The following EYS variants were observed in gnomAD, a reference collection of about 807,000 sequenced individuals.
EYS encodes EGF-like photoreceptor maintenance factor, also known as protein eyes shut homolog.
In EYS, 250 loss-of-function variants were observed where a neutral mutation model predicts 282.1. The observed-to-expected ratio is 0.89, with a 90% confidence interval of 0.80 to 0.98. EYS has a LOEUF of 0.98. Among genes scored for constraint, EYS ranks in the 50% least tolerant of loss-of-function variants. EYS has a pLI of 0.00. For missense variants in EYS, 4,016 were observed against 3,709.0 expected (o/e 1.08, Z -2.15); for synonymous variants, 1,355 against 1,282.9 (o/e 1.06, Z -1.20).
intron 28 of EYS, among the ~76,000 whole-genome samples, chr6:64,430,288 A>C (rs1040939819): frequency 6.6e-6 from 1 of 152,228 alleles, no homozygotes; most frequent in Non-Finnish European, 1.5e-5. Flanking sequence ...ACTCAAACAC[A>C]TAAGAAGGTA....
At chr6:64,573,102 G>A (rs1460271836) in intron 26 of EYS, among the ~76,000 whole-genome samples, 1 of 151,954 alleles carries the variant, frequency 6.6e-6, no homozygotes, top group Non-Finnish European at 1.5e-5. Context: ...CAGAATAGAG[G>A]CCTCAGCAAT....
At chr6:65,189,035 C>A (rs897276208) in intron 12 of EYS, among the ~76,000 whole-genome samples, 3 of 151,406 alleles carry the variant, frequency 2.0e-5, no homozygotes, top group Non-Finnish European at 4.4e-5. Context: ...TCTATGAATA[C>A]CTCTATCTTA....
chr6:64,124,512 C>T lies in EYS; in HGVS notation c.6425-42510G>A, dbSNP rs541847288. ...TTGACTGAGTGATCATTTCTACAGG[C>T]CGGAATTTTAACACAACATTTGATG... On this transcript the variant is annotated intron_variant, in intron 31 of 42. Coordinates refer to ENST00000503581, the MANE Select transcript of EYS (RefSeq NM_001142800.2). Among the ~76,000 whole-genome samples, 28 of 152,176 alleles carry T rather than the reference C, an allele frequency of 1.8e-4. No individual in the cohort carries two copies. In the South Asian group the frequency reaches 5.8e-3, roughly 32 times the overall value.
intron 22 of EYS, among the ~76,000 whole-genome samples, chr6:64,676,353 G>T (rs554592525): frequency 0.011 from 1,568 of 141,900 alleles, 11 homozygotes; most frequent in South Asian, 0.023. Context: ...TATATATATA[G>T]AGAGAGAGAG....
chr6:64,845,197 G>A (rs1450269279), intron 19 of EYS, among the ~76,000 whole-genome samples: 1 of 152,020 alleles, frequency 6.6e-6, no homozygotes, highest in Non-Finnish European at 1.5e-5. Flanking sequence ...AAGCTGAGGT[G>A]TGAGGATCAT....
At chr6:64,038,879 A>G (rs568702737) in intron 33 of EYS, among the ~76,000 whole-genome samples, 12 of 151,152 alleles carry the variant, frequency 7.9e-5, no homozygotes, top group African/African-American at 2.7e-4. Flanking sequence ...ATCTTGGCTC[A>G]CTGCAACCTC....
At chr6:65,096,878 C>T (rs1207310534) in intron 12 of EYS, among the ~76,000 whole-genome samples, 3 of 150,924 alleles carry the variant, frequency 2.0e-5, no homozygotes, top group African/African-American at 7.3e-5. Flanking sequence ...AGTGTAAGTT[C>T]TTGAAACTTT....
intron 26 of EYS, among the ~76,000 whole-genome samples, chr6:64,576,291 A>G (rs2149821076): frequency 6.6e-6 from 1 of 152,186 alleles, no homozygotes; most frequent in Non-Finnish European, 1.5e-5. Context: ...TGTTCTTTGG[A>G]AGTAACTTCC....
chr6:64,041,791 T>C (rs911909985), intron 33 of EYS, among the ~76,000 whole-genome samples: 1 of 152,186 alleles, frequency 6.6e-6, no homozygotes, highest in African/African-American at 2.4e-5. Flanking sequence ...ACATATTAAT[T>C]GGAAATCTTA....
chr6:64,207,675 T>G (rs1487101469), intron 31 of EYS, among the ~76,000 whole-genome samples: 1 of 151,856 alleles, frequency 6.6e-6, no homozygotes, highest in Non-Finnish European at 1.5e-5. Context: ...GCCAACTTTA[T>G]TTTTTTGAGG....
chr6:65,556,939 C>T (rs920183648), intron 2 of EYS, among the ~76,000 whole-genome samples: 3 of 151,964 alleles, frequency 2.0e-5, no homozygotes, highest in Non-Finnish European at 4.4e-5. Context: ...AAACAAATAC[C>T]ATTATTTGTA....
At chr6:64,574,152 C>T (rs1237673713) in intron 26 of EYS, among the ~76,000 whole-genome samples, 1 of 152,148 alleles carries the variant, frequency 6.6e-6, no homozygotes, top group African/African-American at 2.4e-5. Flanking sequence ...TGGAAACCAT[C>T]ATTCTCAGCA....
intron 2 of EYS, among the ~76,000 whole-genome samples, chr6:65,506,243 A>C (rs1766648733): frequency 6.6e-6 from 1 of 152,030 alleles, no homozygotes; most frequent in Non-Finnish European, 1.5e-5. Context: ...TTGTAAATAG[A>C]TTATAGGTGG....
At chr6:64,332,091 T>C (rs1039106770) in intron 29 of EYS, among the ~76,000 whole-genome samples, 1 of 152,130 alleles carries the variant, frequency 6.6e-6, no homozygotes. Flanking sequence ...ACCTACAGGG[T>C]TCTGGAAGAG....
At chr6:64,284,970 ATCTC>A (rs1768444220) in intron 30 of EYS, among the ~76,000 whole-genome samples, 1 of 152,142 alleles carries the variant, frequency 6.6e-6, no homozygotes, top group South Asian at 2.1e-4. Context: ...TGCTGCAAAG[ATCTC>A]TGACATGTCC....
At chr6:64,380,412 C>T (rs960040327) in intron 29 of EYS, among the ~76,000 whole-genome samples, 8 of 152,048 alleles carry the variant, frequency 5.3e-5, no homozygotes, top group Non-Finnish European at 1.0e-4. Context: ...GAGTGATGTA[C>T]GGACATTTTT....
chr6:65,357,778 A>G (rs1415575827), intron 8 of EYS, among the ~76,000 whole-genome samples: 1 of 152,024 alleles, frequency 6.6e-6, no homozygotes, highest in Non-Finnish European at 1.5e-5. Flanking sequence ...AAGTTCAAAA[A>G]TGCTGCCAAT....
At chr6:64,969,579 T>G (rs1257908338) in intron 14 of EYS, among the ~76,000 whole-genome samples, 1 of 152,074 alleles carries the variant, frequency 6.6e-6, no homozygotes, top group African/African-American at 2.4e-5. Flanking sequence ...CTAAGGACAG[T>G]AGAGCCCAAA....
intron 2 of EYS, among the ~76,000 whole-genome samples, chr6:65,619,802 T>C (rs1766394900): frequency 6.6e-6 from 1 of 150,936 alleles, no homozygotes; most frequent in Non-Finnish European, 1.5e-5. Context: ...TCTGCATCTA[T>C]TGAGATAATC....
Sources: allele counts gnomAD v4.1 joint callset (sites outside exome capture counted in the v4.1 genomes callset), GRCh38; gene constraint gnomAD v4.1.1; transcripts MANE v1.5; gene names NCBI Gene and HGNC (gene_info 2026-07-23, HGNC 2026-07-21).